Variants in UVRAG observed in about 807,000 individuals in gnomAD.
The protein encoded by UVRAG is UV radiation resistance-associated gene protein.
In UVRAG, 19 loss-of-function variants were observed where a neutral mutation model predicts 78.0. The observed-to-expected ratio is 0.24, with a 90% CI of 0.17 to 0.36. The LOEUF (loss-of-function observed/expected upper bound fraction) is 0.36. Ranked by LOEUF, UVRAG falls within the 10% of genes least tolerant of loss-of-function variation. The pLI is 1.00. For missense variants in UVRAG, 740 were observed against 853.8 expected (o/e 0.87, Z 1.66); for synonymous variants, 323 against 324.6 (o/e 1.00, Z 0.05).
intron 13 of UVRAG, among the ~76,000 whole-genome samples, chr11:76,073,371 C>T (rs1434161303): frequency 6.6e-6 from 1 of 152,046 alleles, no homozygotes; most frequent in African/African-American, 2.4e-5. Context: ...AAGTATTTGG[C>T]AAACATTTTC....
chr11:76,105,019 A>G (rs1462705264), intron 13 of UVRAG, among the ~76,000 whole-genome samples: 6 of 152,220 alleles, frequency 3.9e-5, no homozygotes, highest in Admixed American at 3.9e-4. Context: ...TACTCTAGCT[A>G]GATTAGGCAG....
chr11:76,036,721 A>G (rs1418264275), intron 12 of UVRAG, among the ~76,000 whole-genome samples: 1 of 151,822 alleles, frequency 6.6e-6, no homozygotes, highest in Non-Finnish European at 1.5e-5. Flanking sequence ...TATTCAAAAC[A>G]TGGTGGCTGA....
chr11:75,817,804 G>A (rs536279722), intron 1 of UVRAG, among the ~76,000 whole-genome samples: 136 of 151,870 alleles, frequency 9.0e-4, no homozygotes, highest in Middle Eastern at 6.8e-3. Context: ...AGCACTTTTG[G>A]AGGCTGAGGT....
At chr11:75,996,806 A>G (rs1031193799) in intron 8 of UVRAG, among the ~76,000 whole-genome samples, 7 of 152,216 alleles carry the variant, frequency 4.6e-5, no homozygotes, top group Non-Finnish European at 1.0e-4. Flanking sequence ...TTTCTGATTC[A>G]TAAGTCCATG....
intron 1 of UVRAG, among the ~76,000 whole-genome samples, chr11:75,828,746 TACACACAC>T (rs1555069635): frequency 8.8e-5 from 8 of 90,576 alleles, no homozygotes; most frequent in African/African-American, 5.9e-4. Flanking sequence ...TATATATATA[TACACACAC>T]ATATATATAT....
At chr11:76,007,720 C>A (rs1949973949) in intron 10 of UVRAG, 99 bp downstream of exon 10, 7 of 893,870 alleles carry the variant, frequency 7.8e-6, no homozygotes, top group Non-Finnish European at 1.2e-5. Flanking sequence ...TAGGCTTAAT[C>A]ATATGCTCTG....
intron 11 of UVRAG, among the ~76,000 whole-genome samples, chr11:76,009,351 A>G (rs1443338082): frequency 6.6e-6 from 1 of 152,218 alleles, no homozygotes; most frequent in Non-Finnish European, 1.5e-5. Context: ...TTAACTAAAA[A>G]TAAAGAAAGA....
chr11:75,932,322 G>C (rs1440544485), intron 6 of UVRAG, among the ~76,000 whole-genome samples: 2 of 151,650 alleles, frequency 1.3e-5, no homozygotes, highest in Middle Eastern at 3.2e-3. Flanking sequence ...GTCTCACTCT[G>C]TCATCAGGCT....
At chr11:75,962,605 A>G (rs1948930560) in intron 7 of UVRAG, among the ~76,000 whole-genome samples, 1 of 152,190 alleles carries the variant, frequency 6.6e-6, no homozygotes, top group Admixed American at 6.5e-5. Context: ...TTCCTTGTCT[A>G]TAAAAACATC....
At chr11:75,851,316 G>T (rs1268234024) in intron 1 of UVRAG, among the ~76,000 whole-genome samples, 1 of 152,216 alleles carries the variant, frequency 6.6e-6, no homozygotes, top group Non-Finnish European at 1.5e-5. Flanking sequence ...ATTGAGACTG[G>T]TGAAATGAGA....
rs530516762 is a variant in UVRAG, at chr11:76,055,262, G to A, written c.1227-10448G>A. Among the ~76,000 whole-genome samples, 7 of 152,130 alleles carry A rather than the reference G, an allele frequency of 4.6e-5. No homozygotes were observed. The South Asian group carries it at 1.5e-3, about 32-fold the overall frequency. ...AGGATTTTGCCATACTACCCAAGCT[G>A]GTCTCAAACTCCTGGGCTCAAAGGA... On this transcript the variant is annotated intron_variant, in intron 12 of 14. Coordinates refer to ENST00000356136, the MANE Select transcript of UVRAG (RefSeq NM_003369.4).
At chr11:75,822,561 C>T (rs1945416912) in intron 1 of UVRAG, among the ~76,000 whole-genome samples, 1 of 152,128 alleles carries the variant, frequency 6.6e-6, no homozygotes, top group South Asian at 2.1e-4. Flanking sequence ...AACTTCTTAC[C>T]GACTGGCTAT....
chr11:76,057,726 T>TC (rs1489272962), intron 12 of UVRAG, among the ~76,000 whole-genome samples: 6 of 150,800 alleles, frequency 4.0e-5, no homozygotes, highest in Non-Finnish European at 5.9e-5. Context: ...TTTTTTTTTT[T>TC]CCCCCTCTTT....
chr11:76,003,747 A>C (rs1949868448), intron 8 of UVRAG, among the ~76,000 whole-genome samples: 1 of 152,134 alleles, frequency 6.6e-6, no homozygotes, highest in Non-Finnish European at 1.5e-5. Context: ...TTTCTCAGTC[A>C]TTAATTGAGA....
rs111847682 is a variant in UVRAG, at chr11:76,073,281, T to G, written c.1305+7493T>G. Among the ~76,000 whole-genome samples, 1,090 of 152,288 alleles carry G rather than the reference T, an allele frequency of 7.2e-3. 17 individuals carry two copies. The highest frequency in any genetic ancestry group is 0.025 in the African/African-American group (1,042 of 41,556). ...AGGAAAAGCACATGTGCAATCGAGT[T>G]GCTAAGTGAACTACCTTCTTTTTTA... On this transcript the variant is annotated intron_variant, in intron 13 of 14. Transcript: ENST00000356136.
chr11:75,894,886 G>C (rs988954951), intron 5 of UVRAG, among the ~76,000 whole-genome samples: 9 of 150,962 alleles, frequency 6.0e-5, no homozygotes, highest in African/African-American at 2.2e-4. Flanking sequence ...AGTATAGAAA[G>C]CTTTGTCAAC....
chr11:76,099,808 G>A (rs1951847798), intron 13 of UVRAG, among the ~76,000 whole-genome samples: 1 of 151,858 alleles, frequency 6.6e-6, no homozygotes, highest in African/African-American at 2.4e-5. Context: ...TTTCAATTTT[G>A]TATTGAAGTA....
At chr11:75,863,730 T>C (rs1248104839) in intron 3 of UVRAG, among the ~76,000 whole-genome samples, 1 of 152,196 alleles carries the variant, frequency 6.6e-6, no homozygotes. Flanking sequence ...AAGAATACTG[T>C]AGAATGGATT....
intron 6 of UVRAG, among the ~76,000 whole-genome samples, chr11:75,955,248 C>T (rs1198429541): frequency 6.6e-6 from 1 of 152,114 alleles, no homozygotes; most frequent in South Asian, 2.1e-4. Context: ...ATAATCTCCT[C>T]TATTGGATTC....
Sources: allele counts gnomAD v4.1 joint callset (sites outside exome capture counted in the v4.1 genomes callset), GRCh38; gene constraint gnomAD v4.1.1; transcripts MANE v1.5; gene names NCBI Gene and HGNC (gene_info 2026-07-23, HGNC 2026-07-21).